The following SCGB1A1 variants were observed in gnomAD, a reference collection of about 807,000 sequenced individuals.
The protein encoded by SCGB1A1 is uteroglobin.
Under a neutral mutation model 7.5 loss-of-function variants are expected in SCGB1A1, and 8 were observed. The ratio of observed to expected loss-of-function variants is 1.07; its 90% CI spans 0.63 to 1.92. The LOEUF (loss-of-function observed/expected upper bound fraction) is 1.92. Ranked by LOEUF, SCGB1A1 falls within the 30% of genes most tolerant of loss-of-function variation. The pLI is 0.00. For synonymous variants in SCGB1A1, 44 were observed against 40.8 expected (o/e 1.08, Z -0.30); for missense variants, 121 against 112.7 (o/e 1.07, Z -0.33).
In SCGB1A1 at chr11:62,419,081, T is replaced by C. The variant is rs376088376; in HGVS notation, c.-15T>C. On this transcript the variant is annotated 5_prime_UTR_variant, in exon 1 of 3. Transcript: ENST00000278282. ...ACGGAACCAGAGACGGGCCAGAGCA[T>C]CCCCCTCCTCCACCATGAAACTCGC... The C allele has an allele frequency of 1.3e-5, 21 of 1,581,662 alleles. No individual in the cohort carries two copies. In the African/African-American group the frequency reaches 2.4e-4, roughly 18 times the overall value.
chr11:62,422,130 T>C, intron 1 of SCGB1A1, 91 bp from the exon 2 acceptor site: 2 of 1,051,966 alleles, frequency 1.9e-6, no homozygotes, highest in South Asian at 3.8e-5. Flanking sequence ...CTGATGGGCC[T>C]GGCTGTTTGC....
chr11:62,422,071 C>T (rs1937808512), intron 1 of SCGB1A1, 150 bp from the exon 2 acceptor site: 2 of 553,694 alleles, frequency 3.6e-6, no homozygotes, highest in Non-Finnish European at 6.2e-6. Context: ...CTCGGGCAAT[C>T]CACAAATCTT....
rs369152252 is a variant in SCGB1A1, at chr11:62,419,655, A to T, written c.55+505A>T. Among the ~76,000 whole-genome samples the T allele has an allele frequency of 5.6e-4, 86 of 152,348 alleles. No individual in the cohort carries two copies. In the Middle Eastern group the frequency reaches 0.014, roughly 24 times the overall value. On this transcript the variant is annotated intron_variant, in intron 1 of 2. Transcript: ENST00000278282. ...CATTCTGGGCACAGAGGAATATTCC[A>T]GAAAGAGAGCTTCCCTTTGGGGAAC...
At chr11:62,421,598 G>A (rs969523739) in intron 1 of SCGB1A1, among the ~76,000 whole-genome samples, 7 of 151,996 alleles carry the variant, frequency 4.6e-5, no homozygotes, top group Non-Finnish European at 7.4e-5. Context: ...TGCAACTTCT[G>A]CTTCCTGGAT....
Position 62,419,155 on chromosome 11 carries a change from G to C in SCGB1A1, c.55+5G>C. 6.4e-7 allele frequency: 1 copy of C among 1,552,154 alleles called. No individual in the cohort carries two copies. The highest frequency in any genetic ancestry group is 8.7e-7 in the Non-Finnish European group (1 of 1,143,836). ...TGGCTCTCTGCTGCAGCTCCGGTGA[G>C]TGCTCAGAGACCCTTCCCTCCCTCC... On this transcript the variant is annotated splice_donor_5th_base_variant and intron_variant, in intron 1 of 2. Coordinates refer to ENST00000278282, the MANE Select transcript of SCGB1A1 (RefSeq NM_003357.5).
chr11:62,419,847 T>C (rs958033834), intron 1 of SCGB1A1, among the ~76,000 whole-genome samples: 1 of 152,118 alleles, frequency 6.6e-6, no homozygotes, highest in Non-Finnish European at 1.5e-5. Flanking sequence ...GGATCACAGC[T>C]CTCTCCAAGA....
intron 1 of SCGB1A1, among the ~76,000 whole-genome samples, chr11:62,421,453 CTTCTT>C (rs10590375): frequency 0.63 from 93,543 of 148,830 alleles, 29,621 homozygotes; most frequent in Non-Finnish European, 0.69. Flanking sequence ...ATCTCAATGG[CTTCTT>C]TTCTTTTCTT....
intron 1 of SCGB1A1, 51 bp downstream of exon 1, chr11:62,419,201 A>T (rs769035560): frequency 7.4e-7 from 1 of 1,359,906 alleles, no homozygotes; most frequent in African/African-American, 1.5e-5. Flanking sequence ...AACTCTCAGG[A>T]CCCCCCAGTT....
rs577150685 is a variant in SCGB1A1, at chr11:62,422,135, G to A, written c.56-86G>A. On this transcript the variant is annotated intron_variant, in intron 1 of 2. Coordinates refer to ENST00000278282, the MANE Select transcript of SCGB1A1 (RefSeq NM_003357.5). Reference sequence around the variant, plus strand: ...CTATCTCTCGCTGATGGGCCTGGCTGTTTGCATCTGGGCAGACCCAGCCAG... The same window carrying A: ...CTATCTCTCGCTGATGGGCCTGGCTATTTGCATCTGGGCAGACCCAGCCAG... The A allele has an allele frequency of 1.5e-4, 169 of 1,145,002 alleles. No individual in the cohort carries two copies. In the African/African-American group the frequency reaches 2.4e-3, roughly 16 times the overall value. 70.9% of individuals were successfully genotyped at this position (1,145,002 alleles called of 1,614,324 possible). A position where few individuals can be genotyped will look rare whatever the true frequency, so the allele number is the denominator to read the frequency against.
intron 1 of SCGB1A1, among the ~76,000 whole-genome samples, chr11:62,420,599 C>T (rs1937762985): frequency 6.6e-6 from 1 of 150,578 alleles, no homozygotes; most frequent in African/African-American, 2.4e-5. Flanking sequence ...CGTGAGCCAC[C>T]ATGCCTGGCC....
rs1016073884 is a variant in SCGB1A1 at position 62,422,581 on chromosome 11, T to TC, written c.243+173_243+174insC. Among the ~76,000 whole-genome samples the TC allele has an allele frequency of 1.1e-3, 157 of 148,150 alleles. 5 individuals carry two copies. The highest frequency in any genetic ancestry group is 9.0e-5 in the Non-Finnish European group (6 of 66,672). On this transcript the variant is annotated intron_variant, in intron 2 of 2. Transcript: ENST00000278282. ...AGACATCTCCTCTTCCTTTTTTTTT[T>TC]TTTTTTTTTTTGAGACAGAGTCTCG... is the stretch of plus-strand genomic sequence containing the variant.
Position 62,423,153 on chromosome 11 carries a change from C to T in SCGB1A1, c.*62C>T, listed in dbSNP as rs139584575. On this transcript the variant is annotated 3_prime_UTR_variant, in exon 3 of 3. Transcript: ENST00000278282. ...CTGCCGCTGCCATGCTTTGAGTCCA[C>T]GCCCACCAGCCTTGCTCTCTTCAAT... 192 of 1,522,148 alleles carry T rather than the reference C, an allele frequency of 1.3e-4. No individual in the cohort carries two copies. The highest frequency in any genetic ancestry group is 1.2e-3 in the African/African-American group (88 of 73,184). The allele number at this position is 1,522,148 out of a possible 1,614,324, so 94.3% of individuals were successfully genotyped here.
At chr11:62,419,367 T>C (rs1240946349) in intron 1 of SCGB1A1, among the ~76,000 whole-genome samples, 1 of 152,208 alleles carries the variant, frequency 6.6e-6, no homozygotes, top group African/African-American at 2.4e-5. Flanking sequence ...AAGGGTCCCA[T>C]CTTCTATATC....
In SCGB1A1 at chr11:62,423,168, CT is replaced by C; in HGVS notation, c.*78del. On this transcript the variant is annotated 3_prime_UTR_variant, in exon 3 of 3. Transcript: ENST00000278282. Reference sequence around the variant, plus strand: ...TTTGAGTCCACGCCCACCAGCCTTGCTCTCTTCAATAAACCACAAGCATCTC... The same window carrying C: ...TTTGAGTCCACGCCCACCAGCCTTGCCTCTTCAATAAACCACAAGCATCTC... 1 of 1,463,056 alleles carries C rather than the reference CT, an allele frequency of 6.8e-7. No homozygotes were observed. Among genetic ancestry groups the C allele is most frequent in the Middle Eastern group, 1.7e-4 (1 of 5,728 alleles). 90.6% of individuals were successfully genotyped at this position (1,463,056 alleles called of 1,614,324 possible). A position where few individuals can be genotyped will look rare whatever the true frequency, so the allele number is the denominator to read the frequency against.
At position 62,423,132 on chromosome 11, in the gene SCGB1A1, C is replaced by T. The variant is rs1802635; in HGVS notation, c.*41C>T. The stretch of plus-strand genomic sequence containing the variant: ...GATCCCCAACTGCTCCAGCCTCTGC[C>T]GCTGCCATGCTTTGAGTCCACGCCC... On this transcript the variant is annotated 3_prime_UTR_variant, in exon 3 of 3. Transcript: ENST00000278282. 2.2e-5 allele frequency: 36 copies of T among 1,603,414 alleles called. No individual in the cohort carries two copies. The Admixed American group carries it at 2.5e-4, about 11-fold the overall frequency.
chr11:62,421,929 T>C (rs1242692927), intron 1 of SCGB1A1: 1 of 217,402 alleles, frequency 4.6e-6, no homozygotes, highest in Non-Finnish European at 9.0e-6. Context: ...AAACCCTCAG[T>C]GGCCTCTTCC....
At position 62,419,119 on chromosome 11, in the gene SCGB1A1, C is replaced by T; in HGVS notation, c.24C>T (p.Thr8=). The part of the protein sequence containing the change: MKLAVTL[T]LVTLALCCSS... ...CCATGAAACTCGCTGTCACCCTCAC[C>T]CTGGTCACACTGGCTCTCTGCTGCA... The change falls in exon 1 of 3, where the codon ACC becomes ACT. Residue 8 remains threonine (T), a synonymous_variant. Coordinates refer to ENST00000278282, the MANE Select transcript of SCGB1A1 (RefSeq NM_003357.5). The T allele has an allele frequency of 2.5e-6, 4 of 1,585,614 alleles. No homozygotes were observed. Among genetic ancestry groups the T allele is most frequent in the Non-Finnish European group, 3.4e-6 (4 of 1,163,388 alleles).
intron 2 of SCGB1A1, among the ~76,000 whole-genome samples, chr11:62,422,779 T>G (rs529883636): frequency 6.6e-6 from 1 of 152,046 alleles, no homozygotes; most frequent in African/African-American, 2.4e-5. Flanking sequence ...TCACCGTGTT[T>G]GCCAGGCTGG....
chr11:62,423,008 TTC>T, intron 2 of SCGB1A1, 49 bp from the exon 3 acceptor site: 1 of 1,556,818 alleles, frequency 6.4e-7, no homozygotes, highest in Non-Finnish European at 8.9e-7. Context: ...AACTATGCAA[TTC>T]ATTCACTGTT....
Sources: allele counts gnomAD v4.1 joint callset (sites outside exome capture counted in the v4.1 genomes callset), GRCh38; gene constraint gnomAD v4.1.1; transcripts MANE v1.5; gene names NCBI Gene and HGNC (gene_info 2026-07-23, HGNC 2026-07-21).